Variants in ORC4 observed in about 807,000 individuals in gnomAD.
The protein encoded by ORC4 is origin recognition complex subunit 4.
A neutral mutation model predicts 63.9 loss-of-function variants in ORC4; 55 were observed. The ratio of observed to expected loss-of-function variants is 0.86; its 90% CI spans 0.69 to 1.08. The LOEUF is 1.08. Among genes scored for constraint, ORC4 ranks in the 50% least tolerant of loss-of-function variants. The probability of loss-of-function intolerance (pLI) is 0.00; values close to 1 mark genes in which losing one functional copy is unlikely to be tolerated. For synonymous variants in ORC4, 150 were observed against 168.5 expected (o/e 0.89, Z 0.85); for missense variants, 511 against 504.4 (o/e 1.01, Z -0.13).
upstream of ORC4, chr2:148,021,483 G>GCTGCTGCTGCTGCTA (rs755361381): frequency 2.4e-3 from 1,340 of 565,666 alleles, 17 homozygotes; most frequent in Non-Finnish European, 3.0e-3. Context: ...TGCTGCTGTT[G>GCTGCTGCTGCTGCTA]CTGCTGCTGC....
At chr2:148,000,526 A>C (rs1014765539) in intron 1 of ORC4, among the ~76,000 whole-genome samples, 9 of 152,150 alleles carry the variant, frequency 5.9e-5, no homozygotes, top group African/African-American at 2.2e-4. Flanking sequence ...ATACCACAGA[A>C]CACTTGCCTT....
chr2:147,949,264 T>C (rs533569130), intron 8 of ORC4, among the ~76,000 whole-genome samples: 50 of 151,998 alleles, frequency 3.3e-4, no homozygotes, highest in African/African-American at 1.2e-3. Flanking sequence ...AGAATATTAT[T>C]TGGTAATAAA....
chr2:147,974,824 A>C (rs1233314423), intron 2 of ORC4, among the ~76,000 whole-genome samples: 2 of 151,292 alleles, frequency 1.3e-5, no homozygotes, highest in African/African-American at 2.4e-5. Flanking sequence ...AAAAAAAAAA[A>C]AACCCAGAAA....
intron 3 of ORC4, 129 bp downstream of exon 3, chr2:147,973,319 C>T (rs1690333783): frequency 2.9e-6 from 2 of 693,344 alleles, no homozygotes; most frequent in Admixed American, 4.6e-5. Flanking sequence ...ATTCACAAAG[C>T]AAAATTTTTT....
chr2:148,006,586 C>A (rs1242971981), intron 1 of ORC4, among the ~76,000 whole-genome samples: 3 of 152,108 alleles, frequency 2.0e-5, no homozygotes, highest in Non-Finnish European at 4.4e-5. Context: ...TTGGTTCAGT[C>A]ACAGTAAAAT....
At chr2:147,960,914 T>A (rs1216236536) in intron 4 of ORC4, among the ~76,000 whole-genome samples, 1 of 152,132 alleles carries the variant, frequency 6.6e-6, no homozygotes, top group East Asian at 1.9e-4. Flanking sequence ...TTTCTAGGGG[T>A]CAATCTGTCA....
intron 4 of ORC4, among the ~76,000 whole-genome samples, chr2:147,961,598 T>A (rs1179786280): frequency 6.6e-6 from 1 of 152,136 alleles, no homozygotes; most frequent in Non-Finnish European, 1.5e-5. Flanking sequence ...ACAATGCTCA[T>A]CTCTTCAACC....
At chr2:147,965,642 C>T (rs1461809154) in intron 4 of ORC4, among the ~76,000 whole-genome samples, 6 of 152,128 alleles carry the variant, frequency 3.9e-5, no homozygotes, top group Non-Finnish European at 8.8e-5. Context: ...ACACCCTATT[C>T]TCAGCATTGG....
intron 9 of ORC4, among the ~76,000 whole-genome samples, chr2:147,946,617 T>C (rs574443291): frequency 3.9e-5 from 6 of 151,994 alleles, no homozygotes; most frequent in Non-Finnish European, 8.8e-5. Context: ...TCAGGAAAGA[T>C]TGAGTGGAAG....
chr2:147,990,419 A>T (rs1691511060), intron 1 of ORC4, among the ~76,000 whole-genome samples: 1 of 152,196 alleles, frequency 6.6e-6, no homozygotes, highest in Admixed American at 6.5e-5. Context: ...GTTTGTACAG[A>T]GGTAAAGATT....
At chr2:147,979,089 A>G (rs2105364713) in intron 1 of ORC4, among the ~76,000 whole-genome samples, 1 of 152,328 alleles carries the variant, frequency 6.6e-6, no homozygotes, top group African/African-American at 2.4e-5. Flanking sequence ...TATATTCAAT[A>G]TAGTACTGCA....
intron 2 of ORC4, 60 bp from the exon 3 acceptor site, chr2:147,973,584 A>G (rs1363964320): frequency 2.2e-5 from 21 of 948,434 alleles, no homozygotes; most frequent in Non-Finnish European, 3.0e-5. Flanking sequence ...TAAAAAATAA[A>G]TAAGAAAGCA....
rs185282608 is a variant in ORC4, at chr2:147,998,031, C to T, written c.-17-22056G>A. Reference sequence around the variant, plus strand: ...CTAATGGATATTAGCTGAAACCCAGCTTTTTAGGGAAAATAGTTTTGGTAT... The same window carrying T: ...CTAATGGATATTAGCTGAAACCCAGTTTTTTAGGGAAAATAGTTTTGGTAT... On this transcript the variant is annotated intron_variant, in intron 1 of 13. Transcript: ENST00000392857. Among the ~76,000 whole-genome samples, 14 of 152,134 alleles carry T rather than the reference C, an allele frequency of 9.2e-5. No homozygotes were observed. The East Asian group carries it at 2.1e-3, about 23-fold the overall frequency.
chr2:147,935,266 C>T lies in ORC4; in HGVS notation c.*244G>A. On this transcript the variant is annotated 3_prime_UTR_variant, in exon 14 of 14. Transcript: ENST00000392857. ...GTTAAAAAAGCACATGGTCTAGTCC[C>T]TAAAACAGTCATATTTTATTCTTCT... is the stretch of plus-strand genomic sequence containing the variant. 1.9e-6 allele frequency: 1 copy of T among 517,060 alleles called. No homozygotes were observed. Among genetic ancestry groups the T allele is most frequent in the Non-Finnish European group, 3.5e-6 (1 of 285,842 alleles). The allele number at this position is 517,060 out of a possible 1,614,324, so 32.0% of individuals were successfully genotyped here.
At chr2:147,977,841 A>G (rs558482185) in intron 1 of ORC4, among the ~76,000 whole-genome samples, 1 of 152,316 alleles carries the variant, frequency 6.6e-6, no homozygotes, top group Admixed American at 6.5e-5. Flanking sequence ...TGGATCACTG[A>G]GTAGATTCCT....
intron 1 of ORC4, among the ~76,000 whole-genome samples, chr2:148,020,100 C>G (rs571281121): frequency 5.6e-4 from 85 of 152,276 alleles, no homozygotes; most frequent in African/African-American, 1.9e-3. Flanking sequence ...AGCAACAACG[C>G]AAGACATGGA....
chr2:147,935,257 G>A lies in ORC4; in HGVS notation c.*253C>T. 2.0e-6 allele frequency: 1 copy of A among 496,842 alleles called. No individual in the cohort carries two copies. The allele number at this position is 496,842 out of a possible 1,614,324, so 30.8% of individuals were successfully genotyped here. A position where few individuals can be genotyped will look rare whatever the true frequency, so the allele number is the denominator to read the frequency against. On this transcript the variant is annotated 3_prime_UTR_variant, in exon 14 of 14. Coordinates refer to ENST00000392857, the MANE Select transcript of ORC4 (RefSeq NM_181741.4). The stretch of plus-strand genomic sequence containing the variant: ...TATATAAGTGTTAAAAAAGCACATG[G>A]TCTAGTCCCTAAAACAGTCATATTT...
intron 4 of ORC4, among the ~76,000 whole-genome samples, chr2:147,959,075 T>C (rs1040704658): frequency 6.6e-6 from 1 of 152,026 alleles, no homozygotes; most frequent in African/African-American, 2.4e-5. Context: ...TGATACAATA[T>C]TCTCTCAATC....
intron 1 of ORC4, among the ~76,000 whole-genome samples, chr2:147,987,546 T>C (rs1691293437): frequency 6.6e-6 from 1 of 152,010 alleles, no homozygotes; most frequent in Non-Finnish European, 1.5e-5. Context: ...ACTCTAGTAT[T>C]ATGAGCATCT....
Sources: gnomAD v4.1 joint callset for allele counts (sites outside exome capture counted in the v4.1 genomes callset) on GRCh38, gnomAD v4.1.1 for gene constraint, MANE v1.5 for transcripts, NCBI Gene and HGNC (gene_info 2026-07-23, HGNC 2026-07-21) for gene names.